LRMDA: variants seen among roughly 807,000 people sequenced by gnomAD.
LRMDA encodes the protein leucine rich melanocyte differentiation associated, also known as leucine-rich melanocyte differentiation-associated protein.
LRMDA carries 18 observed loss-of-function variants against 29.8 expected under a neutral mutation model. That is an observed-to-expected ratio of 0.60 (90% CI 0.42 to 0.90). LRMDA has a LOEUF of 0.90. Among genes scored for constraint, LRMDA ranks in the 40% least tolerant of loss-of-function variants. LRMDA has a pLI of 0.00. For missense variants in LRMDA, 273 were observed against 273.9 expected (o/e 1.00, Z 0.02); for synonymous variants, 125 against 109.4 (o/e 1.14, Z -0.89).
At chr10:76,166,694 C>T (rs1455702942) in intron 5 of LRMDA, among the ~76,000 whole-genome samples, 2 of 152,032 alleles carry the variant, frequency 1.3e-5, no homozygotes, top group Non-Finnish European at 2.9e-5. Flanking sequence ...ATATATGTAC[C>T]ACATTTTCTT....
chr10:76,099,719 G>T (rs1395650330), intron 5 of LRMDA, among the ~76,000 whole-genome samples: 1 of 151,918 alleles, frequency 6.6e-6, no homozygotes, highest in Non-Finnish European at 1.5e-5. Flanking sequence ...TTCATTACTA[G>T]TTTAATTTTG....
At chr10:76,000,614 G>A (rs1465685294) in intron 2 of LRMDA, among the ~76,000 whole-genome samples, 1 of 152,156 alleles carries the variant, frequency 6.6e-6, no homozygotes, top group African/African-American at 2.4e-5. Flanking sequence ...CTCGAGTTTA[G>A]GAAGACATAT....
chr10:75,595,970 T>C (rs539936161), intron 2 of LRMDA, among the ~76,000 whole-genome samples: 1 of 152,336 alleles, frequency 6.6e-6, no homozygotes, highest in Non-Finnish European at 1.5e-5. Flanking sequence ...TGGAGAGTAC[T>C]AATAATGTGA....
chr10:76,435,460 G>T (rs1171925687), intron 6 of LRMDA, among the ~76,000 whole-genome samples: 1 of 152,316 alleles, frequency 6.6e-6, no homozygotes, highest in Non-Finnish European at 1.5e-5. Context: ...GCTTCCCTCT[G>T]TGGAGGGGAC....
intron 2 of LRMDA, among the ~76,000 whole-genome samples, chr10:75,509,729 A>C (rs2132031312): frequency 6.6e-6 from 1 of 152,336 alleles, no homozygotes; most frequent in Admixed American, 6.5e-5. Context: ...GTCAGGAGAC[A>C]CTGGGAAGTC....
intron 2 of LRMDA, among the ~76,000 whole-genome samples, chr10:75,557,095 C>T (rs890024184): frequency 1.3e-5 from 2 of 152,010 alleles, no homozygotes; most frequent in African/African-American, 2.4e-5. Flanking sequence ...GAACTGATCA[C>T]CTGAGGTCAG....
At chr10:75,566,764 C>T (rs1840377423) in intron 2 of LRMDA, among the ~76,000 whole-genome samples, 1 of 152,190 alleles carries the variant, frequency 6.6e-6, no homozygotes, top group South Asian at 2.1e-4. Context: ...TTCTCTTTCT[C>T]CCAAGGTCCA....
intron 2 of LRMDA, among the ~76,000 whole-genome samples, chr10:75,796,007 T>G (rs1428246427): frequency 1.3e-5 from 2 of 152,218 alleles, no homozygotes; most frequent in African/African-American, 4.8e-5. Context: ...GTTCTTTGCT[T>G]CTAGTACATA....
chr10:75,579,617 A>T (rs1476322600), intron 2 of LRMDA, among the ~76,000 whole-genome samples: 1 of 152,164 alleles, frequency 6.6e-6, no homozygotes, highest in Non-Finnish European at 1.5e-5. Context: ...AGACACAACA[A>T]AAAAAGAAAA....
chr10:75,997,340 C>T (rs1847486617), intron 2 of LRMDA, among the ~76,000 whole-genome samples: 1 of 152,096 alleles, frequency 6.6e-6, no homozygotes, highest in Non-Finnish European at 1.5e-5. Flanking sequence ...TCTTGAAACC[C>T]CACTATTTAA....
intron 6 of LRMDA, among the ~76,000 whole-genome samples, chr10:76,520,042 A>G (rs1463782430): frequency 6.6e-6 from 1 of 152,122 alleles, no homozygotes; most frequent in Non-Finnish European, 1.5e-5. Flanking sequence ...GTATATCCCT[A>G]GAGATTGGAG....
intron 2 of LRMDA, among the ~76,000 whole-genome samples, chr10:75,793,671 T>C (rs1013461821): frequency 5.3e-5 from 8 of 152,188 alleles, no homozygotes; most frequent in African/African-American, 1.9e-4. Context: ...ATCATATCAC[T>C]GAGTTGTTGC....
chr10:75,557,453 G>T (rs1840229318), intron 2 of LRMDA, among the ~76,000 whole-genome samples: 1 of 152,118 alleles, frequency 6.6e-6, no homozygotes, highest in Non-Finnish European at 1.5e-5. Flanking sequence ...GGTTAAAATG[G>T]CTGTGTAACT....
intron 2 of LRMDA, among the ~76,000 whole-genome samples, chr10:75,888,771 C>T (rs1845433761): frequency 6.6e-6 from 1 of 152,152 alleles, no homozygotes; most frequent in African/African-American, 2.4e-5. Context: ...CATCAACGTA[C>T]ATGTATTTGT....
chr10:76,037,707 C>G (rs776957464), intron 3 of LRMDA, among the ~76,000 whole-genome samples: 1 of 152,174 alleles, frequency 6.6e-6, no homozygotes, highest in Non-Finnish European at 1.5e-5. Flanking sequence ...TTTTTCAAGT[C>G]TCTCCTTATA....
intron 2 of LRMDA, among the ~76,000 whole-genome samples, chr10:75,926,955 G>A (rs991196098): frequency 2.0e-5 from 3 of 152,154 alleles, no homozygotes; most frequent in African/African-American, 7.2e-5. Flanking sequence ...TGTGTCTTTA[G>A]GAAGCCTCCC....
chr10:75,788,224 G>A (rs1261311121), intron 2 of LRMDA, among the ~76,000 whole-genome samples: 1 of 152,152 alleles, frequency 6.6e-6, no homozygotes, highest in African/African-American at 2.4e-5. Context: ...CAAAATAACA[G>A]TGGCTTAAAA....
chr10:76,515,719 GGT>G (rs1398355973), intron 6 of LRMDA, among the ~76,000 whole-genome samples: 1 of 152,102 alleles, frequency 6.6e-6, no homozygotes, highest in Non-Finnish European at 1.5e-5. Flanking sequence ...TGCCCAGGCT[GGT>G]CTTGAACTCC....
intron 2 of LRMDA, among the ~76,000 whole-genome samples, chr10:75,947,344 A>G (rs1846493949): frequency 6.6e-6 from 1 of 152,176 alleles, no homozygotes; most frequent in East Asian, 1.9e-4. Flanking sequence ...ATGAGCTGAG[A>G]TCACAGGTCA....
Sources: allele counts gnomAD v4.1 joint callset (sites outside exome capture counted in the v4.1 genomes callset), GRCh38; gene constraint gnomAD v4.1.1; transcripts MANE v1.5; gene names NCBI Gene and HGNC (gene_info 2026-07-23, HGNC 2026-07-21).